The following MTHFD2L variants were observed in gnomAD, a reference collection of about 807,000 sequenced individuals.
The protein encoded by MTHFD2L is bifunctional methylenetetrahydrofolate dehydrogenase/cyclohydrolase 2, mitochondrial.
In MTHFD2L, 29 loss-of-function variants were observed where a neutral mutation model predicts 34.9. The observed-to-expected ratio is 0.83, with a 90% confidence interval of 0.62 to 1.13. MTHFD2L has a LOEUF of 1.13. Ranked by LOEUF, MTHFD2L falls within the 50% of genes most tolerant of loss-of-function variation. MTHFD2L has a pLI of 0.00. For missense variants in MTHFD2L, 481 were observed against 446.5 expected (o/e 1.08, Z -0.70); for synonymous variants, 167 against 155.7 (o/e 1.07, Z -0.54).
At chr4:74,198,936 C>T (rs971781625) in intron 3 of MTHFD2L, among the ~76,000 whole-genome samples, 5 of 152,072 alleles carry the variant, frequency 3.3e-5, no homozygotes, top group African/African-American at 9.7e-5. Flanking sequence ...CAAGGCATAG[C>T]TTTCTGAAAA....
intron 6 of MTHFD2L, among the ~76,000 whole-genome samples, chr4:74,276,362 T>C (rs1334554882): frequency 6.6e-6 from 1 of 152,110 alleles, no homozygotes; most frequent in Non-Finnish European, 1.5e-5. Context: ...GCTTTTAATA[T>C]ATAAGCTATG....
intron 3 of MTHFD2L, among the ~76,000 whole-genome samples, chr4:74,192,472 A>G (rs1046490094): frequency 6.6e-6 from 1 of 152,218 alleles, no homozygotes; most frequent in Admixed American, 6.5e-5. Context: ...TAGTGTATAC[A>G]TCATTAAGGT....
chr4:74,234,208 T>C (rs1246844580), intron 6 of MTHFD2L, among the ~76,000 whole-genome samples: 1 of 152,110 alleles, frequency 6.6e-6, no homozygotes, highest in Non-Finnish European at 1.5e-5. Flanking sequence ...CACTTTGTTA[T>C]ATTTTTATGT....
chr4:74,199,487 C>G (rs544123194), intron 3 of MTHFD2L, among the ~76,000 whole-genome samples: 1 of 152,166 alleles, frequency 6.6e-6, no homozygotes, highest in East Asian at 1.9e-4. Context: ...GAAACAAAGA[C>G]ATGACACCTG....
chr4:74,150,378 T>C (rs1723856519), intron 1 of MTHFD2L, among the ~76,000 whole-genome samples: 1 of 152,274 alleles, frequency 6.6e-6, no homozygotes, highest in African/African-American at 2.4e-5. Context: ...CTTAGCCTCC[T>C]GAGTAGCTGG....
At position 74,149,133 on chromosome 4, in the gene MTHFD2L, T is replaced by C. The variant is rs145102512; in HGVS notation, c.-296-10922T>C. Among the ~76,000 whole-genome samples, 262 of 152,008 alleles carry C rather than the reference T, an allele frequency of 1.7e-3. 1 individual carries two copies. Among genetic ancestry groups the C allele is most frequent in the African/African-American group, 5.3e-3 (219 of 41,534 alleles). On this transcript the variant is annotated intron_variant, in intron 1 of 7. Transcript: ENST00000433372. ...TTCCAGCTCTCATTAGATAGTTTTA[T>C]CTTCTCAATTCTGATAGTGCCACTT...
chr4:74,204,436 T>A (rs1452240306), intron 5 of MTHFD2L, among the ~76,000 whole-genome samples: 2 of 152,198 alleles, frequency 1.3e-5, no homozygotes, highest in Admixed American at 1.3e-4. Context: ...AGTAACATGA[T>A]CTGAGATTAA....
Position 74,267,778 on chromosome 4 carries a change from C to T in MTHFD2L, c.806-13647C>T, listed in dbSNP as rs1745498370. 4.1e-6 allele frequency: 4 copies of T among 985,092 alleles called. No homozygotes were observed. The South Asian group carries it at 1.4e-4, about 35-fold the overall frequency. The allele number at this position is 985,092 out of a possible 1,614,324, so 61.0% of individuals were successfully genotyped here. A position where few individuals can be genotyped will look rare whatever the true frequency, so the allele number is the denominator to read the frequency against. ...AAGAGAAGCACACATTTGGACCCCACAGGTCCATTGACTTTGCAGAAATAT... is the reference window on the plus strand; with the variant it reads ...AAGAGAAGCACACATTTGGACCCCATAGGTCCATTGACTTTGCAGAAATAT... On this transcript the variant is annotated intron_variant, in intron 6 of 7. Coordinates refer to ENST00000325278, the MANE Select transcript of MTHFD2L (RefSeq NM_001144978.3).
intron 6 of MTHFD2L, chr4:74,267,008 A>AT: frequency 1.0e-6 from 1 of 985,382 alleles, no homozygotes; most frequent in Middle Eastern, 5.2e-4. Flanking sequence ...ACCTAAAGGG[A>AT]TTTGGCTGGT....
At chr4:74,243,847 A>C (rs1742048798) in intron 6 of MTHFD2L, among the ~76,000 whole-genome samples, 1 of 152,192 alleles carries the variant, frequency 6.6e-6, no homozygotes. Context: ...TGGCTTGTAC[A>C]CAGACCTCAC....
intron 1 of MTHFD2L, among the ~76,000 whole-genome samples, chr4:74,174,230 G>A (rs536265465): frequency 6.6e-6 from 1 of 152,124 alleles, no homozygotes; most frequent in South Asian, 2.1e-4. Context: ...CATAACATTT[G>A]GGGTTAGGAT....
chr4:74,279,528 C>G (rs1578701428), intron 6 of MTHFD2L, among the ~76,000 whole-genome samples: 1 of 152,110 alleles, frequency 6.6e-6, no homozygotes, highest in East Asian at 1.9e-4. Context: ...AAATCAAGCT[C>G]ACACTTTCCT....
chr4:74,269,273 C>T (rs911477723), intron 6 of MTHFD2L, among the ~76,000 whole-genome samples: 1 of 152,076 alleles, frequency 6.6e-6, no homozygotes, highest in African/African-American at 2.4e-5. Flanking sequence ...GGGGAAAAAA[C>T]ACAAGTTTTT....
intron 1 of MTHFD2L, among the ~76,000 whole-genome samples, chr4:74,164,327 T>C (rs1285219534): frequency 6.6e-6 from 1 of 152,270 alleles, no homozygotes; most frequent in African/African-American, 2.4e-5. Context: ...GTTGGTAAGC[T>C]ACTTTTTTGT....
rs777550667 is a variant in MTHFD2L, at chr4:74,199,885, T to C, written c.543T>C (p.Leu181=). ...TTATCAATATTGGAAGATTGTGCCT[T>C]GATCAGCATTCTCTCATACCTGCCA... ...FHIINIGRLC[L]DQHSLIPATA... The change falls in exon 4 of 8, where the codon CTT becomes CTC. Residue 181 remains leucine (L), a synonymous_variant. Coordinates refer to ENST00000325278, the MANE Select transcript of MTHFD2L (RefSeq NM_001144978.3). 2 of 1,614,040 alleles carry C rather than the reference T, an allele frequency of 1.2e-6. No individual in the cohort carries two copies. The highest frequency in any genetic ancestry group is 1.7e-6 in the Non-Finnish European group (2 of 1,179,956).
At chr4:74,236,985 C>CCATATCA (rs1220383169) in intron 6 of MTHFD2L, among the ~76,000 whole-genome samples, 1 of 151,936 alleles carries the variant, frequency 6.6e-6, no homozygotes, top group African/African-American at 2.4e-5. Flanking sequence ...TTAATAACAC[C>CCATATCA]CATATCAGGC....
rs1461508128 is a variant in MTHFD2L, at chr4:74,167,207, C to G, written c.144-7299C>G. ...TGCTGACCTAGGCATCACCTGCCAA[C>G]TAATCCAAGGGCTTTAGCAGCAAGC... On this transcript the variant is annotated intron_variant, in intron 1 of 7. Transcript: ENST00000325278. Among the ~76,000 whole-genome samples, 3 of 152,232 alleles carry G rather than the reference C, an allele frequency of 2.0e-5. No homozygotes were observed. In the East Asian group the frequency reaches 5.8e-4, roughly 29 times the overall value.
intron 6 of MTHFD2L, among the ~76,000 whole-genome samples, chr4:74,271,695 A>C (rs1219368703): frequency 1.3e-5 from 2 of 152,098 alleles, no homozygotes; most frequent in Non-Finnish European, 2.9e-5. Flanking sequence ...AGTTTTTTCC[A>C]ATTCTGTGAA....
intron 3 of MTHFD2L, among the ~76,000 whole-genome samples, chr4:74,192,963 G>A (rs1475779859): frequency 6.6e-6 from 1 of 151,794 alleles, no homozygotes; most frequent in Non-Finnish European, 1.5e-5. Flanking sequence ...AGTTTAATTG[G>A]TGGTATTTTT....
Sources: allele counts gnomAD v4.1 joint callset (sites outside exome capture counted in the v4.1 genomes callset), GRCh38; gene constraint gnomAD v4.1.1; transcripts MANE v1.5; gene names NCBI Gene and HGNC (gene_info 2026-07-23, HGNC 2026-07-21).